The following DNM3 variants were observed in gnomAD, a reference collection of about 807,000 sequenced individuals.
The protein encoded by DNM3 is dynamin 3, also known as dynamin-3.
A neutral mutation model predicts 101.6 loss-of-function variants in DNM3; 47 were observed. The ratio of observed to expected loss-of-function variants is 0.46; its 90% confidence interval spans 0.37 to 0.59. The LOEUF (loss-of-function observed/expected upper bound fraction) is 0.59. Among genes scored for constraint, DNM3 ranks in the 20% least tolerant of loss-of-function variants. The pLI is 0.00. For missense variants in DNM3, 849 were observed against 1,085.7 expected (o/e 0.78, Z 3.06); for synonymous variants, 385 against 387.9 (o/e 0.99, Z 0.09).
intron 1 of DNM3, among the ~76,000 whole-genome samples, chr1:171,859,099 C>T (rs2033914409): frequency 6.6e-6 from 1 of 152,146 alleles, no homozygotes; most frequent in Non-Finnish European, 1.5e-5. Context: ...CTTGGGATGT[C>T]ATACAAGGCC....
chr1:171,923,351 A>C (rs2040326531), intron 2 of DNM3, among the ~76,000 whole-genome samples: 1 of 152,138 alleles, frequency 6.6e-6, no homozygotes, highest in South Asian at 2.1e-4. Context: ...GCCTAGTTTT[A>C]AATTTGGTTA....
chr1:172,038,294 G>A, intron 6 of DNM3, 25 bp from the exon 7 acceptor site: 1 of 1,612,640 alleles, frequency 6.2e-7, no homozygotes, highest in Non-Finnish European at 8.5e-7. Context: ...TCTTCAATCT[G>A]TGTGTATCAT....
At chr1:172,016,000 A>G (rs1185410679) in intron 4 of DNM3, among the ~76,000 whole-genome samples, 1 of 143,130 alleles carries the variant, frequency 7.0e-6, no homozygotes, top group African/African-American at 2.7e-5. Context: ...ACATGGTGAA[A>G]CCCCATCTCT....
In DNM3 at chr1:172,300,439, A is replaced by G. The variant is rs2148845060; in HGVS notation, c.1770-8289A>G. 2.0e-5 allele frequency among the ~76,000 whole-genome samples: 3 copies of G among 152,032 alleles called. No homozygotes were observed. The South Asian group carries it at 6.2e-4, about 32-fold the overall frequency. ...TTTATTTTTGTTGTAATTGCTTTTG[A>G]GTATTTAGTCATAAATTCTTGCCAA... On this transcript the variant is annotated intron_variant, in intron 15 of 20. Coordinates refer to ENST00000627582, the MANE Select transcript of DNM3 (RefSeq NM_015569.5).
At position 172,308,726 on chromosome 1, in the gene DNM3, A is replaced by T. The variant is rs750940035; in HGVS notation, c.1770-2A>T. 2.0e-6 allele frequency: 3 copies of T among 1,537,622 alleles called. No individual in the cohort carries two copies. On this transcript the variant is annotated splice_acceptor_variant, in intron 15 of 20. Transcript: ENST00000627582. LOFTEE classifies it high-confidence loss of function. ...CATGATTTTTTTTTTTTTTAACTCC[A>T]GGAATGTATACAAAGACTATCGCTT...
intron 1 of DNM3, among the ~76,000 whole-genome samples, chr1:171,888,630 T>C (rs1166259193): frequency 2.0e-5 from 3 of 152,204 alleles, no homozygotes; most frequent in African/African-American, 7.2e-5. Flanking sequence ...ACAACAGTGC[T>C]GTGTGGATGT....
Position 171,875,475 on chromosome 1 carries a change from A to G in DNM3, c.161+33658A>G, listed in dbSNP as rs80247527. Among the ~76,000 whole-genome samples, 1,280 of 152,314 alleles carry G rather than the reference A, an allele frequency of 8.4e-3. 24 individuals are homozygous for G. Among genetic ancestry groups the G allele is most frequent in the African/African-American group, 0.029 (1,223 of 41,564 alleles). On this transcript the variant is annotated intron_variant, in intron 1 of 20. Coordinates refer to ENST00000627582, the MANE Select transcript of DNM3 (RefSeq NM_015569.5). ...TTTTTAAGATGAGTTGGAATATAGT[A>G]TGTAAAAATGACACATAAGTTAGAT...
At chr1:172,199,873 G>A (rs935842801) in intron 14 of DNM3, among the ~76,000 whole-genome samples, 1 of 152,040 alleles carries the variant, frequency 6.6e-6, no homozygotes, top group Admixed American at 6.6e-5. Context: ...GCCACTCTGT[G>A]CCTTGTTGAG....
intron 15 of DNM3, among the ~76,000 whole-genome samples, chr1:172,286,300 T>A (rs1470512417): frequency 6.6e-6 from 1 of 152,174 alleles, no homozygotes; most frequent in African/African-American, 2.4e-5. Flanking sequence ...TATTACCATA[T>A]ATTCTGACCT....
chr1:172,294,724 A>G (rs2064074962), intron 15 of DNM3, among the ~76,000 whole-genome samples: 1 of 152,058 alleles, frequency 6.6e-6, no homozygotes, highest in African/African-American at 2.4e-5. Flanking sequence ...ACCAGCCTAG[A>G]CAATCTGGCG....
intron 10 of DNM3, among the ~76,000 whole-genome samples, chr1:172,068,214 G>T (rs1038154041): frequency 2.0e-5 from 3 of 152,128 alleles, no homozygotes; most frequent in African/African-American, 7.2e-5. Context: ...TGTAATCCCA[G>T]CTACTCGGGA....
intron 17 of DNM3, among the ~76,000 whole-genome samples, chr1:172,332,292 A>C (rs945975049): frequency 6.6e-6 from 1 of 152,104 alleles, no homozygotes; most frequent in East Asian, 1.9e-4. Context: ...TTCATCATCA[A>C]GTTGGCTGGG....
intron 17 of DNM3, among the ~76,000 whole-genome samples, chr1:172,357,404 C>T (rs2067510384): frequency 6.6e-6 from 1 of 152,066 alleles, no homozygotes; most frequent in Non-Finnish European, 1.5e-5. Context: ...CACATGTCTC[C>T]TGATGTAATG....
At chr1:172,040,869 A>G (rs2049329687) in intron 7 of DNM3, among the ~76,000 whole-genome samples, 1 of 152,066 alleles carries the variant, frequency 6.6e-6, no homozygotes, top group African/African-American at 2.4e-5. Context: ...AAGCACAGGG[A>G]CATGGTGCAT....
chr1:172,323,855 G>T (rs994938988), intron 17 of DNM3, among the ~76,000 whole-genome samples: 1 of 152,154 alleles, frequency 6.6e-6, no homozygotes, highest in Non-Finnish European at 1.5e-5. Flanking sequence ...GGAGGGTGGG[G>T]TCAACATTTC....
chr1:172,213,517 CAAAAAAA>C (rs57339395), intron 14 of DNM3, among the ~76,000 whole-genome samples: 3 of 79,392 alleles, frequency 3.8e-5, no homozygotes, highest in Admixed American at 1.5e-4. Context: ...TCCATTGTTA[CAAAAAAA>C]AAAAAAAAAA....
At chr1:171,945,586 A>T (rs1447296083) in intron 2 of DNM3, among the ~76,000 whole-genome samples, 1 of 152,222 alleles carries the variant, frequency 6.6e-6, no homozygotes, top group African/African-American at 2.4e-5. Flanking sequence ...AAATGGAGGA[A>T]GTTGACCGTA....
chr1:171,928,098 G>A (rs1227748568), intron 2 of DNM3, among the ~76,000 whole-genome samples: 1 of 152,180 alleles, frequency 6.6e-6, no homozygotes, highest in Non-Finnish European at 1.5e-5. Flanking sequence ...CTTCAGGGTG[G>A]GGTATGTTAG....
chr1:172,387,197 T>C lies in DNM3; in HGVS notation c.2123T>C (p.Leu708Pro). ...QLYSSEDQNT[L>P]MEESAEQAQR... ...TATTCTTCAGAGGACCAAAATACCC[T>C]GATGGAGGAATCTGCTGAGCAGGCT... Residue 708 changes from leucine (L) to proline (P), a missense_variant, in exon 19 of 21, where the codon CTG becomes CCG. By Grantham distance (98) the Leu-to-Pro change is moderately conservative. Coordinates refer to ENST00000627582, the MANE Select transcript of DNM3 (RefSeq NM_015569.5). The C allele has an allele frequency of 6.2e-7, 1 of 1,613,988 alleles. No homozygotes were observed. Among genetic ancestry groups the C allele is most frequent in the Non-Finnish European group, 8.5e-7 (1 of 1,179,878 alleles).
Sources: allele counts gnomAD v4.1 joint callset (sites outside exome capture counted in the v4.1 genomes callset), GRCh38; gene constraint gnomAD v4.1.1; transcripts MANE v1.5; gene names NCBI Gene and HGNC (gene_info 2026-07-23, HGNC 2026-07-21).